The following TRAPPC9 variants were observed in gnomAD, a reference collection of about 807,000 sequenced individuals.
TRAPPC9 encodes IKK2 binding protein.
Under a neutral mutation model 124.0 loss-of-function variants are expected in TRAPPC9, and 83 were observed. The ratio of observed to expected loss-of-function variants is 0.67; its 90% CI spans 0.56 to 0.80. The LOEUF (loss-of-function observed/expected upper bound fraction) is 0.80, where lower values mean the gene tolerates loss of function less well. TRAPPC9 is among the 30% of genes least tolerant of loss of function. The pLI is 0.00. For missense variants in TRAPPC9, 1,302 were observed against 1,508.3 expected, an observed-to-expected ratio of 0.86 and a Z score of 2.27; for synonymous variants, 638 against 617.5, an observed-to-expected ratio of 1.03 and a Z score of -0.49.
At chr8:140,249,123 G>A (rs1054438842) in intron 16 of TRAPPC9, among the ~76,000 whole-genome samples, 1 of 152,094 alleles carries the variant, frequency 6.6e-6, no homozygotes, top group Non-Finnish European at 1.5e-5. Context: ...GAGTGATTCT[G>A]TCATCCGGAC....
At chr8:139,965,938 G>A (rs571654198) in intron 19 of TRAPPC9, among the ~76,000 whole-genome samples, 50 of 152,352 alleles carry the variant, frequency 3.3e-4, no homozygotes, top group South Asian at 6.2e-4. Context: ...CACAGCCTGC[G>A]CCACAAGGCC....
chr8:140,240,353 C>CA (rs1328984019), intron 16 of TRAPPC9, among the ~76,000 whole-genome samples: 2 of 152,184 alleles, frequency 1.3e-5, no homozygotes, highest in Admixed American at 1.3e-4. Context: ...CCAATGGTGA[C>CA]AGTGCGCAGG....
intron 21 of TRAPPC9, among the ~76,000 whole-genome samples, chr8:139,804,727 G>GCAC (rs1371595514): frequency 2.3e-5 from 1 of 43,862 alleles, no homozygotes; most frequent in South Asian, 9.2e-4. Flanking sequence ...CCGGCACCAA[G>GCAC]CACCACCACC....
Position 140,073,091 on chromosome 8 carries a change from C to T in TRAPPC9, c.2557-49012G>A, listed in dbSNP as rs114785527. 1.5e-3 allele frequency among the ~76,000 whole-genome samples: 231 copies of T among 152,244 alleles called. 1 individual carries two copies. The highest frequency in any genetic ancestry group is 5.3e-3 in the African/African-American group (221 of 41,554). On this transcript the variant is annotated intron_variant, in intron 17 of 22. Coordinates refer to ENST00000438773, the MANE Select transcript of TRAPPC9 (RefSeq NM_001160372.4). ...CACAGCACCGGAGCTCTTACACTGC[C>T]GGGGGAATGTAAAATGGAGCAACGA...
chr8:140,137,257 G>A lies in TRAPPC9; in HGVS notation c.2556+84202C>T, dbSNP rs142956251. On this transcript the variant is annotated intron_variant, in intron 17 of 22. Transcript: ENST00000438773. ...CCTCACTCAAGTCTTCCTGGGAGTC[G>A]GTGCTCCTCACTGGGCTGCCAGCGA... Among the ~76,000 whole-genome samples the A allele has an allele frequency of 9.0e-3, 1,370 of 152,212 alleles. 10 individuals carry two copies. Among genetic ancestry groups the A allele is most frequent in the Non-Finnish European group, 0.012 (828 of 68,016 alleles).
In TRAPPC9 at chr8:139,728,686, T is replaced by C. The variant is rs952775155; in HGVS notation, c.*2375A>G. Among the ~76,000 whole-genome samples the C allele has an allele frequency of 6.6e-6, 1 of 152,124 alleles. No homozygotes were observed. The highest frequency in any genetic ancestry group is 1.5e-5 in the Non-Finnish European group (1 of 68,014). On this transcript the variant is annotated 3_prime_UTR_variant, in exon 23 of 23. Transcript: ENST00000438773. Reference sequence around the variant, plus strand: ...ACCTTCTCTACTGGGACAGAAAGGGTGCCCTGGGGGTGGGGAAGGGCCTGG... The same window carrying C: ...ACCTTCTCTACTGGGACAGAAAGGGCGCCCTGGGGGTGGGGAAGGGCCTGG...
chr8:140,235,950 T>C (rs1047299285), intron 16 of TRAPPC9, among the ~76,000 whole-genome samples: 1 of 151,872 alleles, frequency 6.6e-6, no homozygotes, highest in Non-Finnish European at 1.5e-5. Context: ...TCAGATATCA[T>C]GTGGAGGAAG....
rs542498181 is a variant in TRAPPC9, at chr8:139,984,611, G to A, written c.2810+4115C>T. Reference sequence around the variant, plus strand: ...TGAGGTCTGTAAGGTGCTGTCCGGCGTTGCGAAGTAAGGTAGAGCCATTTC... The same window carrying A: ...TGAGGTCTGTAAGGTGCTGTCCGGCATTGCGAAGTAAGGTAGAGCCATTTC... On this transcript the variant is annotated intron_variant, in intron 19 of 22. Coordinates refer to ENST00000438773, the MANE Select transcript of TRAPPC9 (RefSeq NM_001160372.4). The surrounding 1 kb of genome is among the most constrained non-coding windows in gnomAD (Gnocchi z 4.3). Among the ~76,000 whole-genome samples, 15 of 152,274 alleles carry A rather than the reference G, an allele frequency of 9.9e-5. No individual in the cohort carries two copies. The South Asian group carries it at 1.2e-3, about 13-fold the overall frequency.
intron 19 of TRAPPC9, among the ~76,000 whole-genome samples, chr8:139,975,992 C>T (rs571068438): frequency 7.2e-5 from 10 of 138,308 alleles, no homozygotes; most frequent in African/African-American, 8.0e-5. Context: ...CCGGGGTTCA[C>T]GCCATTCTCC....
intron 9 of TRAPPC9, among the ~76,000 whole-genome samples, chr8:140,344,285 T>C (rs958124760): frequency 6.6e-6 from 1 of 152,144 alleles, no homozygotes; most frequent in African/African-American, 2.4e-5. Flanking sequence ...TGTCCCTTAT[T>C]TATAAGCCAC....
intron 21 of TRAPPC9, among the ~76,000 whole-genome samples, chr8:139,771,484 A>G (rs545734895): frequency 6.6e-6 from 1 of 152,302 alleles, no homozygotes; most frequent in Admixed American, 6.5e-5. Context: ...TGAAGCCTGC[A>G]ACCCTGGCCA....
At chr8:140,023,320 CA>C (rs1839927848) in intron 18 of TRAPPC9, among the ~76,000 whole-genome samples, 1 of 152,210 alleles carries the variant, frequency 6.6e-6, no homozygotes, top group African/African-American at 2.4e-5. Context: ...ATCATTCTCC[CA>C]CCTCAGAAAA....
chr8:140,190,639 C>T (rs2062469922), intron 17 of TRAPPC9, among the ~76,000 whole-genome samples: 1 of 152,220 alleles, frequency 6.6e-6, no homozygotes, highest in African/African-American at 2.4e-5. Flanking sequence ...TTGTGTTACA[C>T]AAAAGGAGGC....
chr8:140,317,579 C>G (rs2066473524), intron 9 of TRAPPC9, among the ~76,000 whole-genome samples: 1 of 152,136 alleles, frequency 6.6e-6, no homozygotes, highest in South Asian at 2.1e-4. Context: ...TTACAAAGGA[C>G]AGGACAACTT....
rs71320340 is a variant in TRAPPC9, at chr8:140,019,542, C to CTTTTTTTT, written c.2699+4387_2699+4394dup. Among the ~76,000 whole-genome samples the CTTTTTTTT allele has an allele frequency of 5.2e-4, 23 of 43,858 alleles. 5 individuals are homozygous for CTTTTTTTT. Among genetic ancestry groups the CTTTTTTTT allele is most frequent in the African/African-American group, 1.0e-3 (11 of 10,876 alleles). The allele number at this position is 43,858 out of a possible 152,430, so 28.8% of individuals were successfully genotyped here. A position where few individuals can be genotyped will look rare whatever the true frequency, so the allele number is the denominator to read the frequency against. Reference sequence around the variant, plus strand: ...CTGTGTCAATTTTAGTAATTTGTGTCTTTTTTTTTTTTTTTTTTTTTTTTT... The same window carrying CTTTTTTTT: ...CTGTGTCAATTTTAGTAATTTGTGTCTTTTTTTTTTTTTTTTTTTTTTTTTTTTTTTTT... On this transcript the variant is annotated intron_variant, in intron 18 of 22. Coordinates refer to ENST00000438773, the MANE Select transcript of TRAPPC9 (RefSeq NM_001160372.4).
intron 17 of TRAPPC9, among the ~76,000 whole-genome samples, chr8:140,033,689 T>G (rs1381760046): frequency 1.8e-5 from 2 of 111,394 alleles, no homozygotes; most frequent in Non-Finnish European, 3.4e-5. Context: ...TTTTTTTTTT[T>G]TTTTTTTTTT....
chr8:140,221,804 A>G (rs762281548), intron 16 of TRAPPC9, among the ~76,000 whole-genome samples: 2 of 152,026 alleles, frequency 1.3e-5, no homozygotes, highest in Non-Finnish European at 2.9e-5. Context: ...CACCTGGCTA[A>G]TTTTTGTATT....
intron 17 of TRAPPC9, among the ~76,000 whole-genome samples, chr8:140,156,192 G>A (rs1021347112): frequency 6.6e-6 from 1 of 152,232 alleles, no homozygotes; most frequent in African/African-American, 2.4e-5. Flanking sequence ...GCCACCACCT[G>A]CTTCGTGTAG....
At chr8:139,738,143 G>C (rs1193413500) in intron 21 of TRAPPC9, among the ~76,000 whole-genome samples, 1 of 152,172 alleles carries the variant, frequency 6.6e-6, no homozygotes, top group Non-Finnish European at 1.5e-5. Context: ...TTTTTGCCTG[G>C]ACCTCGAATG....
Sources: allele counts gnomAD v4.1 joint callset (sites outside exome capture counted in the v4.1 genomes callset), GRCh38; gene constraint gnomAD v4.1.1; non-coding constraint Gnocchi (gnomAD v3.1); transcripts MANE v1.5; gene names NCBI Gene and HGNC (gene_info 2026-07-23, HGNC 2026-07-21).